Variants in LIMCH1 observed in about 807,000 individuals in gnomAD.
LIMCH1 encodes LIM and calponin homology domains 1.
A neutral mutation model predicts 176.5 loss-of-function variants in LIMCH1; 113 were observed. The ratio of observed to expected loss-of-function variants is 0.64; its 90% CI spans 0.55 to 0.75. LIMCH1 has a LOEUF of 0.75. LIMCH1 is among the 30% of genes least tolerant of loss of function. The pLI is 0.00. For synonymous variants in LIMCH1, 619 were observed against 645.9 expected, an observed-to-expected ratio of 0.96 and a Z score of 0.63; for missense variants, 1,674 against 1,814.9, an observed-to-expected ratio of 0.92 and a Z score of 1.41.
chr4:41,477,476 G>A (rs2067924004), intron 1 of LIMCH1, among the ~76,000 whole-genome samples: 1 of 152,160 alleles, frequency 6.6e-6, no homozygotes, highest in Non-Finnish European at 1.5e-5. Context: ...GAGTAAACGA[G>A]TTGATGAAGA....
chr4:41,607,323 C>T (rs2090861075), intron 4 of LIMCH1, among the ~76,000 whole-genome samples: 1 of 152,246 alleles, frequency 6.6e-6, no homozygotes, highest in Non-Finnish European at 1.5e-5. Context: ...TTGGCTAAGG[C>T]CAGTCTGGCT....
At chr4:41,453,074 C>T (rs532877214) in intron 1 of LIMCH1, among the ~76,000 whole-genome samples, 6 of 152,296 alleles carry the variant, frequency 3.9e-5, no homozygotes, top group East Asian at 3.9e-4. Context: ...ATGTACCTAA[C>T]GTAGGTTGTT....
At chr4:41,669,316 T>C (rs2094935287) in intron 21 of LIMCH1, among the ~76,000 whole-genome samples, 1 of 152,218 alleles carries the variant, frequency 6.6e-6, no homozygotes, top group Admixed American at 6.5e-5. Context: ...TAATGTATTC[T>C]AGTAATTGTA....
At chr4:41,407,284 A>C (rs1341034712) in intron 1 of LIMCH1, among the ~76,000 whole-genome samples, 1 of 152,154 alleles carries the variant, frequency 6.6e-6, no homozygotes, top group Non-Finnish European at 1.5e-5. Context: ...GCTGGAGTGC[A>C]GTGGTGCAAT....
intron 15 of LIMCH1, among the ~76,000 whole-genome samples, chr4:41,645,746 T>G (rs73810301): frequency 0.021 from 3,261 of 152,348 alleles, 128 homozygotes; most frequent in African/African-American, 0.074. Context: ...ATCCCTACTA[T>G]TCTATTGTCA....
intron 21 of LIMCH1, chr4:41,670,619 A>G: frequency 1.3e-6 from 1 of 774,136 alleles, no homozygotes. Flanking sequence ...GGTATTGACT[A>G]GAGCCAAACT....
At chr4:41,359,701 C>A (rs1332792526), upstream of LIMCH1, 1 of 152,130 alleles carries the variant, frequency 6.6e-6, no homozygotes, top group Non-Finnish European at 1.5e-5. Context: ...CTTCTGGAAA[C>A]CCCCTAACCA....
chr4:41,686,893 T>C (rs1235721681), intron 28 of LIMCH1, among the ~76,000 whole-genome samples: 1 of 152,240 alleles, frequency 6.6e-6, no homozygotes, highest in Non-Finnish European at 1.5e-5. Flanking sequence ...TCAGAATCAA[T>C]AGAAGCTAAA....
At chr4:41,677,408 CAAAA>C (rs893672792) in intron 23 of LIMCH1, among the ~76,000 whole-genome samples, 4 of 150,872 alleles carry the variant, frequency 2.7e-5, no homozygotes, top group Non-Finnish European at 1.5e-5. Context: ...AACTCCATCT[CAAAA>C]AAAAGAAAAA....
At chr4:41,466,161 G>A (rs981242622) in intron 1 of LIMCH1, among the ~76,000 whole-genome samples, 4 of 152,126 alleles carry the variant, frequency 2.6e-5, no homozygotes, top group African/African-American at 9.7e-5. Flanking sequence ...GTTTCACCAT[G>A]TTGGCCAGGA....
chr4:41,547,879 A>G lies in LIMCH1; in HGVS notation c.-241+9529A>G, dbSNP rs544486915. On this transcript the variant is annotated intron_variant, in intron 1 of 31. Transcript: ENST00000503057. ...TGTGTGTGTGTATATATATATATAT[A>G]TATATATATATATATATAAACAGTG... 4.4e-4 allele frequency among the ~76,000 whole-genome samples: 62 copies of G among 141,270 alleles called. No individual in the cohort carries two copies. In the East Asian group the frequency reaches 0.011, roughly 25 times the overall value. 92.7% of individuals were successfully genotyped at this position (141,270 alleles called of 152,430 possible).
intron 21 of LIMCH1, among the ~76,000 whole-genome samples, chr4:41,669,481 T>A (rs900040677): frequency 1.3e-5 from 2 of 152,180 alleles, no homozygotes; most frequent in Non-Finnish European, 2.9e-5. Context: ...CCTGTAGGGC[T>A]TGGAGCCCAC....
intron 8 of LIMCH1, among the ~76,000 whole-genome samples, chr4:41,628,277 G>A (rs997259917): frequency 1.3e-5 from 2 of 152,084 alleles, no homozygotes; most frequent in Admixed American, 1.3e-4. Context: ...TATCTCCCTT[G>A]TTTCCTTTCT....
chr4:41,554,692 A>C (rs7682470), intron 1 of LIMCH1, among the ~76,000 whole-genome samples: 1 of 152,058 alleles, frequency 6.6e-6, no homozygotes, highest in South Asian at 2.1e-4. Context: ...GTCCATATAT[A>C]CTGCTGCCAA....
intron 5 of LIMCH1, among the ~76,000 whole-genome samples, chr4:41,615,641 A>T (rs2091975623): frequency 6.6e-6 from 1 of 152,224 alleles, no homozygotes; most frequent in Non-Finnish European, 1.5e-5. Flanking sequence ...TTAGCCAAAT[A>T]GATGTTGGGT....
intron 23 of LIMCH1, among the ~76,000 whole-genome samples, chr4:41,678,713 A>T (rs918827158): frequency 4.7e-5 from 7 of 150,468 alleles, no homozygotes; most frequent in South Asian, 2.1e-4. Flanking sequence ...GGAGGGTGTG[A>T]GAGAGAGAGA....
chr4:41,566,718 G>A (rs2082821829), intron 1 of LIMCH1, among the ~76,000 whole-genome samples: 1 of 152,090 alleles, frequency 6.6e-6, no homozygotes, highest in South Asian at 2.1e-4. Context: ...TTAAAATGTA[G>A]AATGTGATGT....
intron 1 of LIMCH1, among the ~76,000 whole-genome samples, chr4:41,558,359 G>A (rs908385389): frequency 2.6e-5 from 4 of 152,166 alleles, no homozygotes; most frequent in Non-Finnish European, 5.9e-5. Context: ...GGAGGGTATC[G>A]TTTAAGCCAC....
At chr4:41,679,896 CAAG>C (rs1714226138) in intron 23 of LIMCH1, 107 bp from the exon 24 acceptor site, 1 of 643,220 alleles carries the variant, frequency 1.6e-6, no homozygotes, top group East Asian at 2.9e-5. Flanking sequence ...AGAATCCTAA[CAAG>C]AAGAAGATAA....
Sources: allele counts gnomAD v4.1 joint callset (sites outside exome capture counted in the v4.1 genomes callset), GRCh38; gene constraint gnomAD v4.1.1; transcripts MANE v1.5; gene names NCBI Gene and HGNC (gene_info 2026-07-23, HGNC 2026-07-21).